Variants in FCSK observed in about 807,000 individuals in gnomAD.
The protein encoded by FCSK is fucose kinase.
FCSK carries 123 observed loss-of-function variants against 122.5 expected under a neutral mutation model. The observed-to-expected ratio is 1.00, with a 90% CI of 0.87 to 1.17. FCSK has a LOEUF of 1.17. FCSK is among the 50% of genes most tolerant of loss of function. The pLI is 0.00. For missense variants in FCSK, 1,366 were observed against 1,450.4 expected (o/e 0.94, Z 0.95); for synonymous variants, 620 against 625.5 (o/e 0.99, Z 0.13).
chr16:70,478,731 C>T (rs751841953), intron 22 of FCSK, 81 bp downstream of exon 22: 26 of 1,136,404 alleles, frequency 2.3e-5, no homozygotes, highest in Non-Finnish European at 3.1e-5. Flanking sequence ...GGGTCATCTG[C>T]AGGCTTGGCA....
intron 1 of FCSK, 53 bp downstream of exon 1, chr16:70,454,683 T>TGCGCCCCTTGCGCCCCCTGCGCCCCC (rs1555564909): frequency 3.3e-5 from 5 of 150,248 alleles, no homozygotes; most frequent in African/African-American, 1.2e-4. Flanking sequence ...CTTGCGCCCC[T>TGCGCCCCTTGCGCCCCCTGCGCCCCC]TGCGCCCCCT....
In FCSK at chr16:70,454,788, T is replaced by G. The variant is rs551100289; in HGVS notation, c.-23+158T>G. On this transcript the variant is annotated intron_variant, in intron 1 of 23. Coordinates refer to ENST00000288078, the MANE Select transcript of FCSK (RefSeq NM_145059.3). ...GGAAGAGTCCCCGGGAGCTCTGCGGTGCCCCGGGAGCCCACAGGTGTTTCT... is the reference window on the plus strand; with the variant it reads ...GGAAGAGTCCCCGGGAGCTCTGCGGGGCCCCGGGAGCCCACAGGTGTTTCT... The G allele has an allele frequency of 2.6e-5, 4 of 152,194 alleles. No homozygotes were observed. In the South Asian group the frequency reaches 8.3e-4, roughly 32 times the overall value. 9.4% of individuals were successfully genotyped at this position (152,194 alleles called of 1,614,324 possible). A position where few individuals can be genotyped will look rare whatever the true frequency, so the allele number is the denominator to read the frequency against.
chr16:70,466,804 C>T, intron 5 of FCSK, 78 bp from the exon 6 acceptor site: 3 of 1,330,962 alleles, frequency 2.3e-6, no homozygotes, highest in Non-Finnish European at 3.2e-6. Context: ...TTCAACAGCA[C>T]AGTATCCTTG....
chr16:70,478,175 C>A, intron 20 of FCSK, 97 bp from the exon 21 acceptor site: 1 of 1,245,736 alleles, frequency 8.0e-7, no homozygotes, highest in Non-Finnish European at 1.1e-6. Flanking sequence ...TATCTTTCCA[C>A]ACTGGTCCCA....
chr16:70,463,799 C>T, intron 3 of FCSK, 25 bp downstream of exon 3: 1 of 1,587,604 alleles, frequency 6.3e-7, no homozygotes, highest in Non-Finnish European at 8.6e-7. Context: ...GGGCCACCTC[C>T]CTGGTCTGTG....
chr16:70,462,959 T>G (rs1012234792), intron 1 of FCSK, among the ~76,000 whole-genome samples: 2 of 152,154 alleles, frequency 1.3e-5, no homozygotes, highest in African/African-American at 4.8e-5. Flanking sequence ...TTTTCTAAGT[T>G]GATGAAACTA....
At chr16:70,475,828 G>A in intron 20 of FCSK, 61 bp downstream of exon 20, 4 of 1,468,024 alleles carry the variant, frequency 2.7e-6, no homozygotes, top group Middle Eastern at 2.0e-4. Context: ...CCCGCGGGGG[G>A]AGTGGGGCTC....
At chr16:70,468,351 C>T (rs1411352152) in intron 8 of FCSK, among the ~76,000 whole-genome samples, 2 of 152,274 alleles carry the variant, frequency 1.3e-5, no homozygotes, top group South Asian at 4.1e-4. Flanking sequence ...ACCCAGGAGG[C>T]GGAGGTTGCG....
intron 20 of FCSK, chr16:70,477,414 C>T (rs920167068): frequency 3.9e-5 from 6 of 152,170 alleles, no homozygotes; most frequent in African/African-American, 1.4e-4. Flanking sequence ...GAACTCCTGA[C>T]CTCATGATCC....
At chr16:70,479,551 C>A in intron 23 of FCSK, 28 bp from the exon 24 acceptor site, 2 of 1,598,046 alleles carry the variant, frequency 1.3e-6, no homozygotes, top group Non-Finnish European at 8.6e-7. Flanking sequence ...TTGTCCAGAG[C>A]CTTCTAAATA....
At chr16:70,465,963 GTGCAA>G (rs747090107) in intron 4 of FCSK, among the ~76,000 whole-genome samples, 164 bp from the exon 5 acceptor site, 3 of 151,996 alleles carry the variant, frequency 2.0e-5, no homozygotes, top group South Asian at 2.1e-4. Flanking sequence ...AAAAATTGCA[GTGCAA>G]TGCAATGCAA....
At chr16:70,472,962 T>A (rs1436387745) in intron 14 of FCSK, 21 bp from the exon 15 acceptor site, 1 of 1,588,912 alleles carries the variant, frequency 6.3e-7, no homozygotes, top group South Asian at 1.1e-5. Flanking sequence ...CTCCTGGGAA[T>A]GTGCCTTCTC....
intron 7 of FCSK, 74 bp downstream of exon 7, chr16:70,467,545 G>T: frequency 2.6e-6 from 3 of 1,142,722 alleles, no homozygotes; most frequent in Non-Finnish European, 2.5e-6. Context: ...CTCCCTGTCA[G>T]TGGGCAGCCT....
intron 8 of FCSK, among the ~76,000 whole-genome samples, chr16:70,468,280 C>T (rs1019480846): frequency 6.6e-6 from 1 of 152,134 alleles, no homozygotes; most frequent in African/African-American, 2.4e-5. Flanking sequence ...ATTAGCTGAG[C>T]ATGGTGGTGT....
intron 7 of FCSK, 134 bp downstream of exon 7, chr16:70,467,605 T>A: frequency 2.8e-6 from 2 of 723,626 alleles, no homozygotes; most frequent in South Asian, 1.8e-5. Context: ...GTTTCCTCCG[T>A]GGCAGTGGCA....
Position 70,479,898 on chromosome 16 carries a change from C to T in FCSK, c.*218C>T. 4.1e-6 allele frequency: 2 copies of T among 487,462 alleles called. No homozygotes were observed. The highest frequency in any genetic ancestry group is 7.4e-6 in the Non-Finnish European group (2 of 272,026). 30.2% of individuals were successfully genotyped at this position (487,462 alleles called of 1,614,324 possible). On this transcript the variant is annotated 3_prime_UTR_variant, in exon 24 of 24. Transcript: ENST00000288078. ...AGATGTAGCCTCTGTTCCTCCTGGA[C>T]ATAGGAAGGTCCCAAGCTTAGTATC...
chr16:70,467,779 G>C, intron 7 of FCSK, 107 bp from the exon 8 acceptor site: 1 of 927,122 alleles, frequency 1.1e-6, no homozygotes, highest in Non-Finnish European at 1.8e-6. Context: ...CCAGCCTTGC[G>C]TCCTCAGCTT....
chr16:70,471,377 C>T (rs2151719997), intron 13 of FCSK, 25 bp downstream of exon 13: 1 of 1,538,214 alleles, frequency 6.5e-7, no homozygotes. Flanking sequence ...TGCATTCCCT[C>T]ACCCCCATCT....
intron 11 of FCSK, 79 bp downstream of exon 11, chr16:70,470,505 C>T (rs559685999): frequency 2.2e-5 from 19 of 881,268 alleles, no homozygotes; most frequent in African/African-American, 3.3e-5. Context: ...AGAAAATAGC[C>T]GGCACTTGGA....
Sources: gnomAD v4.1 joint callset for allele counts (sites outside exome capture counted in the v4.1 genomes callset) on GRCh38, gnomAD v4.1.1 for gene constraint, MANE v1.5 for transcripts, NCBI Gene and HGNC (gene_info 2026-07-23, HGNC 2026-07-21) for gene names.